The following PCDH7 variants were observed in gnomAD, a reference collection of about 807,000 sequenced individuals.
PCDH7 encodes protocadherin-7.
A neutral mutation model predicts 58.9 loss-of-function variants in PCDH7; 17 were observed. That is an observed-to-expected ratio of 0.29 (90% confidence interval 0.20 to 0.43). The LOEUF (loss-of-function observed/expected upper bound fraction) is 0.43. Among genes scored for constraint, PCDH7 ranks in the 20% least tolerant of loss-of-function variants. The probability of loss-of-function intolerance (pLI) is 1.00; values close to 1 mark genes in which losing one functional copy is unlikely to be tolerated. For missense variants in PCDH7, 1,274 were observed against 1,441.0 expected, an observed-to-expected ratio of 0.88 and a Z score of 1.88; for synonymous variants, 664 against 616.4, an observed-to-expected ratio of 1.08 and a Z score of -1.14.
intron 3 of PCDH7, among the ~76,000 whole-genome samples, chr4:31,113,227 C>T (rs997097098): frequency 6.6e-6 from 1 of 152,042 alleles, no homozygotes; most frequent in Non-Finnish European, 1.5e-5. Flanking sequence ...TGTCATTGCC[C>T]ATAATAATTA....
intron 3 of PCDH7, among the ~76,000 whole-genome samples, chr4:31,116,369 A>G (rs532937536): frequency 2.6e-5 from 4 of 152,366 alleles, no homozygotes; most frequent in African/African-American, 9.6e-5. Context: ...CAAAATGAGC[A>G]TGTGTTTCAT....
intron 1 of PCDH7, among the ~76,000 whole-genome samples, chr4:30,844,592 T>G (rs566047384): frequency 1.3e-5 from 2 of 152,230 alleles, no homozygotes; most frequent in East Asian, 1.9e-4. Flanking sequence ...TAGAAAAAAT[T>G]TATGGAAAGA....
At chr4:30,838,967 G>T (rs1560422606) in intron 1 of PCDH7, among the ~76,000 whole-genome samples, 4 of 151,578 alleles carry the variant, frequency 2.6e-5, no homozygotes, top group African/African-American at 9.7e-5. Context: ...TTTTTTTAAG[G>T]TATTTACTTT....
chr4:31,105,308 G>C (rs1358942836), intron 3 of PCDH7, among the ~76,000 whole-genome samples: 1 of 152,056 alleles, frequency 6.6e-6, no homozygotes, highest in Non-Finnish European at 1.5e-5. Flanking sequence ...TGAATGATGA[G>C]AATAGCAATA....
At chr4:31,087,612 G>A (rs1480702208) in intron 3 of PCDH7, among the ~76,000 whole-genome samples, 1 of 152,088 alleles carries the variant, frequency 6.6e-6, no homozygotes, top group South Asian at 2.1e-4. Context: ...TGACACAGTA[G>A]GAGAAATAAT....
At chr4:30,754,161 G>GGTGTGT (rs137965585) in intron 1 of PCDH7, among the ~76,000 whole-genome samples, 2,807 of 138,644 alleles carry the variant, frequency 0.02, 43 homozygotes, top group Middle Eastern at 0.028. Flanking sequence ...GCAAACACTA[G>GGTGTGT]GTGTGTGTGT....
At chr4:31,120,369 T>TCTTC (rs1717514125) in intron 3 of PCDH7, among the ~76,000 whole-genome samples, 1 of 150,892 alleles carries the variant, frequency 6.6e-6, no homozygotes. Flanking sequence ...CTTTTTATTT[T>TCTTC]CTTCCTCAAG....
At chr4:30,971,937 G>A (rs1222586869) in intron 3 of PCDH7, among the ~76,000 whole-genome samples, 1 of 152,072 alleles carries the variant, frequency 6.6e-6, no homozygotes, top group Non-Finnish European at 1.5e-5. Flanking sequence ...CTCCAGCCTG[G>A]GCGACAGAAT....
At chr4:31,127,830 A>G (rs991712552) in intron 3 of PCDH7, among the ~76,000 whole-genome samples, 2 of 152,076 alleles carry the variant, frequency 1.3e-5, no homozygotes, top group African/African-American at 4.8e-5. Flanking sequence ...AAATTATATT[A>G]TGCTATAGCA....
intron 3 of PCDH7, among the ~76,000 whole-genome samples, chr4:31,139,584 T>G (rs1159746373): frequency 3.9e-5 from 6 of 152,204 alleles, no homozygotes; most frequent in African/African-American, 1.4e-4. Flanking sequence ...AAATTTTGTG[T>G]TGAAAAAATT....
In PCDH7 at chr4:31,141,225, C is replaced by T. The variant is rs139454043; in HGVS notation, c.*8-1248C>T. Among the ~76,000 whole-genome samples the T allele has an allele frequency of 5.4e-3, 827 of 152,304 alleles. 7 individuals are homozygous for T. Among genetic ancestry groups the T allele is most frequent in the African/African-American group, 0.019 (774 of 41,574 alleles). ...AAATAACTTCCTCTTCTATTTTAAA[C>T]GAATCTACTAGGATTGTGCATATGC... On this transcript the variant is annotated intron_variant, in intron 3 of 3. Coordinates refer to the PCDH7 transcript ENST00000509759.
At chr4:31,039,773 C>T (rs187978136) in intron 3 of PCDH7, among the ~76,000 whole-genome samples, 13 of 152,220 alleles carry the variant, frequency 8.5e-5, no homozygotes, top group East Asian at 7.7e-4. Context: ...CAGTTCAAAA[C>T]GGAATGAAAA....
chr4:31,095,745 T>C (rs1004939676), intron 3 of PCDH7, among the ~76,000 whole-genome samples: 1 of 152,080 alleles, frequency 6.6e-6, no homozygotes, highest in Non-Finnish European at 1.5e-5. Flanking sequence ...AGTGAAAAAA[T>C]TAAGAAGTTC....
At chr4:30,929,168 TTAAA>T (rs1484678869) in intron 2 of PCDH7, among the ~76,000 whole-genome samples, 1 of 152,196 alleles carries the variant, frequency 6.6e-6, no homozygotes. Flanking sequence ...ATTACTCAAA[TTAAA>T]TAGATGATTA....
At chr4:30,730,680 G>C (rs1256018342) in intron 1 of PCDH7, 1 of 1,107,188 alleles carries the variant, frequency 9.0e-7, no homozygotes, top group African/African-American at 1.6e-5. Context: ...TTCCAATTGG[G>C]CATAAGACAC....
intron 1 of PCDH7, among the ~76,000 whole-genome samples, chr4:30,754,172 G>A (rs1306481565): frequency 2.1e-5 from 3 of 139,704 alleles, no homozygotes; most frequent in Non-Finnish European, 4.5e-5. Flanking sequence ...GTGTGTGTGT[G>A]TGTGTGTGTG....
chr4:30,998,902 G>T (rs1354676323), intron 3 of PCDH7, among the ~76,000 whole-genome samples: 2 of 152,110 alleles, frequency 1.3e-5, no homozygotes, highest in African/African-American at 2.4e-5. Flanking sequence ...TCATTGGAAT[G>T]GAAACAAAAT....
rs147292796 is a variant in PCDH7 at position 30,928,396 on chromosome 4, C to T, written c.287+8027C>T. Among the ~76,000 whole-genome samples the T allele has an allele frequency of 3.9e-5, 6 of 152,252 alleles. No individual in the cohort carries two copies. In the East Asian group the frequency reaches 1.2e-3, roughly 29 times the overall value. On this transcript the variant is annotated intron_variant, in intron 2 of 3. Transcript: ENST00000509759. The stretch of plus-strand genomic sequence containing the variant: ...AAGCAAAGTAGAACAATAGGTGTCT[C>T]TTGTTTCATGGGGCAATTATATAGT...
At chr4:31,131,561 G>A (rs1342128384) in intron 3 of PCDH7, among the ~76,000 whole-genome samples, 1 of 152,088 alleles carries the variant, frequency 6.6e-6, no homozygotes, top group African/African-American at 2.4e-5. Context: ...AAAGCTCCCA[G>A]ATCTTCATCC....
Sources: gnomAD v4.1 joint callset for allele counts (sites outside exome capture counted in the v4.1 genomes callset) on GRCh38, gnomAD v4.1.1 for gene constraint, MANE v1.5 for transcripts, NCBI Gene and HGNC (gene_info 2026-07-23, HGNC 2026-07-21) for gene names.